The following DTNA variants were observed in gnomAD, a reference collection of about 807,000 sequenced individuals.
DTNA encodes the protein dystrobrevin alpha.
Under a neutral mutation model 100.7 loss-of-function variants are expected in DTNA, and 43 were observed. The observed-to-expected ratio is 0.43, with a 90% CI of 0.33 to 0.55. DTNA has a LOEUF of 0.55. DTNA is among the 20% of genes least tolerant of loss of function. The probability of loss-of-function intolerance (pLI) is 0.04; values close to 1 mark genes in which losing one functional copy is unlikely to be tolerated. For missense variants in DTNA, 798 were observed against 953.9 expected (o/e 0.84, Z 2.15); for synonymous variants, 349 against 347.9 (o/e 1.00, Z -0.04).
intron 1 of DTNA, among the ~76,000 whole-genome samples, chr18:34,599,997 C>G (rs561679085): frequency 8.5e-5 from 13 of 152,150 alleles, no homozygotes; most frequent in Admixed American, 7.9e-4. Flanking sequence ...CTTTATGTAT[C>G]TTTCATTGAT....
intron 1 of DTNA, among the ~76,000 whole-genome samples, chr18:34,554,339 C>T (rs947022458): frequency 1.9e-4 from 27 of 143,260 alleles, no homozygotes; most frequent in Non-Finnish European, 4.1e-4. Context: ...ATTTGACTTC[C>T]TCTTTTCCTA....
chr18:34,773,667 G>A (rs1238964438), intron 3 of DTNA, among the ~76,000 whole-genome samples: 1 of 152,304 alleles, frequency 6.6e-6, no homozygotes, highest in South Asian at 2.1e-4. Flanking sequence ...GGGAAAGTTG[G>A]TGGTGGCAGT....
At chr18:34,587,885 C>T (rs977865728) in intron 1 of DTNA, among the ~76,000 whole-genome samples, 4 of 152,098 alleles carry the variant, frequency 2.6e-5, no homozygotes, top group Non-Finnish European at 4.4e-5. Context: ...AATCCTGTAT[C>T]CCAGGAAATC....
At chr18:34,792,860 A>T (rs185055001) in intron 3 of DTNA, among the ~76,000 whole-genome samples, 3 of 152,188 alleles carry the variant, frequency 2.0e-5, no homozygotes, top group Admixed American at 1.3e-4. Flanking sequence ...TCATTGTCTA[A>T]GAGAAATGGA....
chr18:34,507,103 A>G (rs756756773), intron 1 of DTNA, among the ~76,000 whole-genome samples: 3 of 152,154 alleles, frequency 2.0e-5, no homozygotes, highest in Non-Finnish European at 2.9e-5. Flanking sequence ...TGTAGGATTC[A>G]TGGACCACAG....
intron 1 of DTNA, among the ~76,000 whole-genome samples, chr18:34,579,616 T>A: frequency 6.6e-6 from 1 of 152,198 alleles, no homozygotes; most frequent in East Asian, 1.9e-4. Flanking sequence ...CTTAAGGCAG[T>A]CAATATTTTA....
At chr18:34,873,470 C>T (rs190455210) in intron 17 of DTNA, among the ~76,000 whole-genome samples, 2 of 152,206 alleles carry the variant, frequency 1.3e-5, no homozygotes, top group Non-Finnish European at 2.9e-5. Context: ...ATCTGACCAG[C>T]GTCTGTCTCC....
intron 1 of DTNA, among the ~76,000 whole-genome samples, chr18:34,719,649 C>T (rs1355336374): frequency 6.6e-6 from 1 of 152,172 alleles, no homozygotes; most frequent in African/African-American, 2.4e-5. Flanking sequence ...TAGCAATTAT[C>T]ATTATGTAAT....
At chr18:34,621,641 T>G (rs142700144) in intron 1 of DTNA, among the ~76,000 whole-genome samples, 1 of 152,176 alleles carries the variant, frequency 6.6e-6, no homozygotes, top group East Asian at 1.9e-4. Flanking sequence ...TCATAGAAAT[T>G]GATAATAGAA....
intron 21 of DTNA, among the ~76,000 whole-genome samples, chr18:34,884,077 G>A (rs2096899601): frequency 6.6e-6 from 1 of 152,136 alleles, no homozygotes; most frequent in Non-Finnish European, 1.5e-5. Flanking sequence ...CCTCAGGGAT[G>A]GCATTCCTAC....
chr18:34,672,355 A>G (rs921097213), intron 1 of DTNA, among the ~76,000 whole-genome samples: 3 of 152,204 alleles, frequency 2.0e-5, no homozygotes, highest in Non-Finnish European at 4.4e-5. Flanking sequence ...TGGTTTCTCA[A>G]CTGTATTTTT....
chr18:34,709,020 C>A (rs2082459068), upstream of DTNA, among the ~76,000 whole-genome samples: 2 of 152,168 alleles, frequency 1.3e-5, no homozygotes, highest in African/African-American at 4.8e-5. Context: ...AAGAACTCCT[C>A]TGCCTTGCCT....
chr18:34,602,895 G>A (rs902055506), intron 1 of DTNA, among the ~76,000 whole-genome samples: 4 of 151,500 alleles, frequency 2.6e-5, no homozygotes, highest in African/African-American at 9.7e-5. Flanking sequence ...GCTAGCTACT[G>A]AGGAGACTGA....
Position 34,853,849 on chromosome 18 carries a change from A to G in DTNA, c.1532+1921A>G, listed in dbSNP as rs142593945. 3.3e-4 allele frequency among the ~76,000 whole-genome samples: 50 copies of G among 152,322 alleles called. No individual in the cohort carries two copies. The East Asian group carries it at 8.7e-3, about 26-fold the overall frequency. On this transcript the variant is annotated intron_variant, in intron 15 of 22. Coordinates refer to ENST00000444659, the MANE Select transcript of DTNA (RefSeq NM_001386795.1). ...TAAAATTACCTATTCTATTTTATGTATCATTTATTATATCTACTACGTGCA... is the reference window on the plus strand; with the variant it reads ...TAAAATTACCTATTCTATTTTATGTGTCATTTATTATATCTACTACGTGCA...
chr18:34,851,963 A>G, intron 15 of DTNA, 35 bp downstream of exon 15: 3 of 1,599,638 alleles, frequency 1.9e-6, no homozygotes, highest in South Asian at 1.1e-5. Flanking sequence ...TTGTTTGATC[A>G]ATGTGCGCAT....
chr18:34,669,353 A>G lies in DTNA; in HGVS notation c.-1-86623A>G, dbSNP rs530647516. The stretch of plus-strand genomic sequence containing the variant: ...GTGAGATGGGTTTCCTGAATACAGT[A>G]CACTGGTGGGTCTTGACTCTTTATC... On this transcript the variant is annotated intron_variant, in intron 1 of 19. Transcript: ENST00000283365. Among the ~76,000 whole-genome samples, 40 of 152,290 alleles carry G rather than the reference A, an allele frequency of 2.6e-4. No homozygotes were observed. The East Asian group carries it at 6.9e-3, about 26-fold the overall frequency.
At chr18:34,505,032 C>T (rs928061545) in intron 1 of DTNA, among the ~76,000 whole-genome samples, 1 of 152,216 alleles carries the variant, frequency 6.6e-6, no homozygotes, top group African/African-American at 2.4e-5. Context: ...AATTACCATA[C>T]AGTGCATGCC....
chr18:34,528,959 A>G (rs1346179228), intron 1 of DTNA, among the ~76,000 whole-genome samples: 2 of 152,082 alleles, frequency 1.3e-5, no homozygotes, highest in Non-Finnish European at 2.9e-5. Context: ...GATCTCCCTT[A>G]TAAGTATGGG....
At position 34,818,291 on chromosome 18, in the gene DTNA, T is replaced by A. The variant is rs560476760; in HGVS notation, c.837T>A (p.Ser279=). 3.2e-5 allele frequency: 52 copies of A among 1,613,896 alleles called. No homozygotes were observed. Among genetic ancestry groups the A allele is most frequent in the Non-Finnish European group, 4.4e-5 (52 of 1,179,956 alleles). Residue 279 remains serine (S), a synonymous_variant, in exon 8 of 23, where the codon TCT becomes TCA. Coordinates refer to ENST00000444659, the MANE Select transcript of DTNA (RefSeq NM_001386795.1). ...DCFWRGHAGG[S]HSNQHQMKEY... Reference sequence around the variant, plus strand: ...TCTGGAGGGGACATGCCGGTGGTTCTCATAGCAACCAGCACCAAATGAAAG... The same window carrying A: ...TCTGGAGGGGACATGCCGGTGGTTCACATAGCAACCAGCACCAAATGAAAG...
Sources: gnomAD v4.1 joint callset for allele counts (sites outside exome capture counted in the v4.1 genomes callset) on GRCh38, gnomAD v4.1.1 for gene constraint, MANE v1.5 for transcripts, NCBI Gene and HGNC (gene_info 2026-07-23, HGNC 2026-07-21) for gene names.